The following GRM7 variants were observed in gnomAD, a reference collection of about 807,000 sequenced individuals.
The protein encoded by GRM7 is metabotropic glutamate receptor 7.
GRM7 carries 35 observed loss-of-function variants against 84.5 expected under a neutral mutation model. The observed-to-expected ratio is 0.41, with a 90% CI of 0.32 to 0.55. The LOEUF is 0.55. Ranked by LOEUF, GRM7 falls within the 20% of genes least tolerant of loss-of-function variation. GRM7 has a pLI of 0.19. For missense variants in GRM7, 1,003 were observed against 1,194.6 expected (o/e 0.84, Z 2.36); for synonymous variants, 487 against 455.1 (o/e 1.07, Z -0.89).
chr3:7,414,488 G>GTCA (rs1575301987), intron 4 of GRM7, among the ~76,000 whole-genome samples: 1 of 152,104 alleles, frequency 6.6e-6, no homozygotes, highest in Non-Finnish European at 1.5e-5. Flanking sequence ...AACATTTAAA[G>GTCA]TCACACTGTC....
chr3:7,257,754 C>A (rs182598451), intron 2 of GRM7, among the ~76,000 whole-genome samples: 1 of 152,298 alleles, frequency 6.6e-6, no homozygotes, highest in Non-Finnish European at 1.5e-5. Context: ...ACTTTTCCAC[C>A]TGTAGCATCT....
intron 1 of GRM7, among the ~76,000 whole-genome samples, chr3:7,083,566 C>A (rs1364640838): frequency 6.6e-6 from 1 of 152,076 alleles, no homozygotes; most frequent in Admixed American, 6.6e-5. Context: ...GGTGCTCTTG[C>A]TAATTCATCA....
chr3:7,494,687 T>C (rs1699637760), intron 7 of GRM7, among the ~76,000 whole-genome samples: 1 of 152,188 alleles, frequency 6.6e-6, no homozygotes, highest in Admixed American at 6.5e-5. Context: ...TGATGTGTCC[T>C]CTACTTTACA....
intron 4 of GRM7, among the ~76,000 whole-genome samples, chr3:7,343,357 C>T (rs1692734252): frequency 6.6e-6 from 1 of 152,040 alleles, no homozygotes; most frequent in South Asian, 2.1e-4. Context: ...CCTCAGCCTC[C>T]TGAGTAGCTG....
intron 2 of GRM7, among the ~76,000 whole-genome samples, chr3:7,189,640 G>A (rs1316091854): frequency 6.6e-6 from 1 of 152,134 alleles, no homozygotes; most frequent in Non-Finnish European, 1.5e-5. Context: ...TCAACCTTTT[G>A]TCTTACATGA....
At chr3:7,428,727 A>G (rs1006115022) in intron 5 of GRM7, among the ~76,000 whole-genome samples, 1 of 152,200 alleles carries the variant, frequency 6.6e-6, no homozygotes, top group African/African-American at 2.4e-5. Flanking sequence ...TTACAATGCT[A>G]GCACAGGCAG....
chr3:7,494,741 A>G (rs1326334103), intron 7 of GRM7, among the ~76,000 whole-genome samples: 6 of 152,066 alleles, frequency 3.9e-5, no homozygotes, highest in Non-Finnish European at 7.4e-5. Context: ...CATCCAGCCA[A>G]TATTTTTATT....
intron 1 of GRM7, among the ~76,000 whole-genome samples, chr3:7,072,988 G>T (rs956604995): frequency 6.6e-6 from 1 of 152,104 alleles, no homozygotes; most frequent in Non-Finnish European, 1.5e-5. Flanking sequence ...AGGATTTATG[G>T]GTTGAAAAGT....
intron 9 of GRM7, among the ~76,000 whole-genome samples, chr3:7,696,872 T>G (rs1442517204): frequency 6.6e-6 from 1 of 152,182 alleles, no homozygotes; most frequent in African/African-American, 2.4e-5. Flanking sequence ...GCTGTCAATT[T>G]ATATATTGGG....
At chr3:6,869,585 A>ATCTG (rs1559295791) in intron 1 of GRM7, among the ~76,000 whole-genome samples, 1 of 151,846 alleles carries the variant, frequency 6.6e-6, no homozygotes, top group African/African-American at 2.4e-5. Flanking sequence ...CTATCTGTCT[A>ATCTG]TCTATCTATC....
chr3:7,099,917 T>A (rs904464648), intron 1 of GRM7, among the ~76,000 whole-genome samples: 2 of 96,050 alleles, frequency 2.1e-5, no homozygotes, highest in Non-Finnish European at 3.7e-5. Flanking sequence ...TATATAATAT[T>A]AATATATTAT....
At chr3:7,522,263 AG>A (rs1468561439) in intron 7 of GRM7, among the ~76,000 whole-genome samples, 4 of 152,108 alleles carry the variant, frequency 2.6e-5, no homozygotes, top group African/African-American at 7.2e-5. Flanking sequence ...CTTTTTTCTA[AG>A]TACAAACGCA....
chr3:7,463,106 G>A (rs1477025719), intron 7 of GRM7, among the ~76,000 whole-genome samples: 1 of 109,694 alleles, frequency 9.1e-6, no homozygotes, highest in Non-Finnish European at 2.3e-5. Flanking sequence ...AGATGGGTCA[G>A]CCTCAAATAA....
At chr3:7,539,343 C>T (rs1414823210) in intron 7 of GRM7, among the ~76,000 whole-genome samples, 1 of 152,104 alleles carries the variant, frequency 6.6e-6, no homozygotes, top group Non-Finnish European at 1.5e-5. Context: ...TCAGGAAGTT[C>T]TTCTAAACAT....
chr3:7,002,458 A>G (rs555210279), intron 1 of GRM7, among the ~76,000 whole-genome samples: 1 of 152,322 alleles, frequency 6.6e-6, no homozygotes, highest in Admixed American at 6.5e-5. Flanking sequence ...ACTAATATAT[A>G]CATATGAGAA....
chr3:7,068,685 T>C (rs1172571024), intron 1 of GRM7, among the ~76,000 whole-genome samples: 2 of 152,044 alleles, frequency 1.3e-5, no homozygotes, highest in African/African-American at 2.4e-5. Flanking sequence ...TTCTCAATCC[T>C]AGTTTTCTCC....
In GRM7 at chr3:6,928,124, G is replaced by T. The variant is rs1192186556; in HGVS notation, c.519+66217G>T. On this transcript the variant is annotated intron_variant, in intron 1 of 9. Coordinates refer to ENST00000357716, the MANE Select transcript of GRM7 (RefSeq NM_000844.4). This position sits in a 1 kb window ranked among gnomAD's most constrained non-coding sequence, Gnocchi z 4.5. ...TTTTTTTTTCTACACTGCTGAGGTA[G>T]GTATTTTAACACATCCCTCATTGAT... 6.6e-6 allele frequency among the ~76,000 whole-genome samples: 1 copy of T among 151,048 alleles called. No homozygotes were observed. The highest frequency in any genetic ancestry group is 1.5e-5 in the Non-Finnish European group (1 of 67,852).
intron 1 of GRM7, among the ~76,000 whole-genome samples, chr3:7,013,004 C>A (rs73128595): frequency 3.3e-5 from 5 of 151,972 alleles, no homozygotes; most frequent in South Asian, 2.1e-4. Context: ...CCTTCCAATA[C>A]GCCGGGATTA....
chr3:7,212,270 A>G (rs1443792560), intron 2 of GRM7, among the ~76,000 whole-genome samples: 2 of 150,688 alleles, frequency 1.3e-5, no homozygotes, highest in African/African-American at 4.9e-5. Context: ...GCCTAATGGT[A>G]AGGAAATGGA....
Sources: allele counts gnomAD v4.1 joint callset (sites outside exome capture counted in the v4.1 genomes callset), GRCh38; gene constraint gnomAD v4.1.1; non-coding constraint Gnocchi (gnomAD v3.1); transcripts MANE v1.5; gene names NCBI Gene and HGNC (gene_info 2026-07-23, HGNC 2026-07-21).